The following MSI2 variants were observed in gnomAD, a reference collection of about 807,000 sequenced individuals.
MSI2 encodes the protein RNA-binding protein Musashi homolog 2.
A neutral mutation model predicts 45.6 loss-of-function variants in MSI2; 17 were observed. The observed-to-expected ratio is 0.37, with a 90% CI of 0.26 to 0.56. The LOEUF (loss-of-function observed/expected upper bound fraction) is 0.56, where lower values mean the gene tolerates loss of function less well. Ranked by LOEUF, MSI2 falls within the 20% of genes least tolerant of loss-of-function variation. The probability of loss-of-function intolerance (pLI) is 0.77; values close to 1 mark genes in which losing one functional copy is unlikely to be tolerated. For synonymous variants in MSI2, 156 were observed against 158.2 expected (o/e 0.99, Z 0.11); for missense variants, 293 against 444.2 (o/e 0.66, Z 3.06).
intron 7 of MSI2, among the ~76,000 whole-genome samples, chr17:57,541,955 A>T (rs62058101): frequency 3.3e-5 from 5 of 152,150 alleles, no homozygotes; most frequent in South Asian, 2.1e-4. Flanking sequence ...CCTCTGCACC[A>T]GATCTGCAAT....
chr17:57,381,923 T>C (rs1023427125), intron 5 of MSI2, among the ~76,000 whole-genome samples: 1 of 152,196 alleles, frequency 6.6e-6, no homozygotes, highest in Admixed American at 6.5e-5. Context: ...ATAGACTATA[T>C]ACTTGAGCAC....
intron 11 of MSI2, among the ~76,000 whole-genome samples, chr17:57,665,842 C>T (rs1912325092): frequency 6.6e-6 from 1 of 152,194 alleles, no homozygotes; most frequent in Non-Finnish European, 1.5e-5. Context: ...CTTACTTTCC[C>T]TCTGGCAGTG....
intron 5 of MSI2, among the ~76,000 whole-genome samples, chr17:57,351,391 C>T (rs1418326381): frequency 2.0e-5 from 3 of 152,152 alleles, no homozygotes; most frequent in South Asian, 4.1e-4. Flanking sequence ...ATCAACACCT[C>T]CTAGCCACCA....
chr17:57,627,618 G>A lies in MSI2; in HGVS notation c.727+315G>A. 1 of 427,274 alleles carries A rather than the reference G, an allele frequency of 2.3e-6. No homozygotes were observed. The highest frequency in any genetic ancestry group is 4.2e-6 in the Non-Finnish European group (1 of 236,184). 26.5% of individuals were successfully genotyped at this position (427,274 alleles called of 1,614,324 possible). ...CTCTTCCGGGTTTTTTCTCACTGGG[G>A]ACTGAACTCTAGGCCCAGGGCTTTC... On this transcript the variant is annotated intron_variant, in intron 10 of 13. Transcript: ENST00000284073. This position sits in a 1 kb window ranked among gnomAD's most constrained non-coding sequence, Gnocchi z 4.6.
intron 6 of MSI2, among the ~76,000 whole-genome samples, chr17:57,459,708 T>G (rs1477136720): frequency 6.6e-6 from 1 of 152,136 alleles, no homozygotes; most frequent in African/African-American, 2.4e-5. Context: ...AAGTATGGCT[T>G]GGCCGGGTGT....
chr17:57,290,804 A>G (rs917991072), intron 5 of MSI2, among the ~76,000 whole-genome samples: 1 of 152,216 alleles, frequency 6.6e-6, no homozygotes, highest in Non-Finnish European at 1.5e-5. Flanking sequence ...CCCGCATATA[A>G]CCTGGTGGCT....
chr17:57,533,061 C>T (rs923291960), intron 7 of MSI2, among the ~76,000 whole-genome samples: 1 of 152,242 alleles, frequency 6.6e-6, no homozygotes, highest in East Asian at 1.9e-4. Context: ...TCAGTCTCCA[C>T]TTGCTGTTAG....
the MSI2 span, among the ~76,000 whole-genome samples, chr17:57,691,200 C>CATCTATCTATCT: frequency 1.8e-4 from 25 of 140,312 alleles, no homozygotes; most frequent in African/African-American, 2.9e-4. Flanking sequence ...CTCTCTCTCT[C>CATCTATCTATCT]ATCTATCTAT....
At chr17:57,321,825 C>G (rs1294717306) in intron 5 of MSI2, among the ~76,000 whole-genome samples, 6 of 151,594 alleles carry the variant, frequency 4.0e-5, no homozygotes, top group African/African-American at 1.2e-4. Context: ...GAGACTGGGT[C>G]TCATTCTGTC....
chr17:57,537,365 G>C (rs144068225), intron 7 of MSI2, among the ~76,000 whole-genome samples: 4,014 of 152,310 alleles, frequency 0.026, 80 homozygotes, highest in Non-Finnish European at 0.038. Context: ...GGGCAAAGGA[G>C]GGGGTGGGAT....
rs531689398 is a variant in MSI2 at position 57,626,153 on chromosome 17, G to A, written c.653-1076G>A. On this transcript the variant is annotated intron_variant, in intron 9 of 13. Transcript: ENST00000284073. ...CACACAGGGAGAGGCTCAGGGGCTG[G>A]GCAGCCAAAAAATGACCACAGACAT... 1.5e-3 allele frequency: 230 copies of A among 152,130 alleles called. 2 individuals carry two copies. The highest frequency in any genetic ancestry group is 6.8e-3 in the Middle Eastern group (2 of 292). 9.4% of individuals were successfully genotyped at this position (152,130 alleles called of 1,614,324 possible).
At position 57,627,207 on chromosome 17, in the gene MSI2, G is replaced by C; in HGVS notation, c.653-22G>C. On this transcript the variant is annotated intron_variant, in intron 9 of 13. Coordinates refer to ENST00000284073, the MANE Select transcript of MSI2 (RefSeq NM_138962.4). The surrounding 1 kb of genome is among the most constrained non-coding windows in gnomAD (Gnocchi z 4.6). ...GAGGCGGCTGTACTAACAGGACTCT[G>C]ATCTTTCTCTTTGTGTTCAAGGATA... is the stretch of plus-strand genomic sequence containing the variant. 2 of 1,613,366 alleles carry C rather than the reference G, an allele frequency of 1.2e-6. No individual in the cohort carries two copies. The highest frequency in any genetic ancestry group is 2.2e-5 in the South Asian group (2 of 91,064).
intron 5 of MSI2, among the ~76,000 whole-genome samples, chr17:57,379,258 T>C (rs1567790187): frequency 6.6e-6 from 1 of 151,958 alleles, no homozygotes; most frequent in African/African-American, 2.4e-5. Flanking sequence ...AACTACCACC[T>C]GCCTCTACTA....
the MSI2 span, among the ~76,000 whole-genome samples, chr17:57,689,840 A>G: frequency 6.6e-6 from 1 of 152,168 alleles, no homozygotes; most frequent in Non-Finnish European, 1.5e-5. Flanking sequence ...AGATTCATCA[A>G]TGTTTTGTGT....
At chr17:57,445,657 A>G (rs572703625) in intron 6 of MSI2, among the ~76,000 whole-genome samples, 64 of 152,242 alleles carry the variant, frequency 4.2e-4, no homozygotes, top group Non-Finnish European at 7.2e-4. Context: ...CTATTAGACA[A>G]TGTTTTAGTG....
intron 4 of MSI2, chr17:57,259,854 G>A (rs542253470): frequency 1.3e-5 from 2 of 152,296 alleles, no homozygotes; most frequent in African/African-American, 4.8e-5. Context: ...TGTGGTGGCT[G>A]GTGGGTCATA....
intron 5 of MSI2, among the ~76,000 whole-genome samples, chr17:57,323,570 A>G (rs1913526158): frequency 6.6e-6 from 1 of 152,214 alleles, no homozygotes; most frequent in African/African-American, 2.4e-5. Context: ...CGTCCCTGGC[A>G]GGGCCAGGAT....
At chr17:57,394,173 T>C (rs1477358918) in intron 5 of MSI2, among the ~76,000 whole-genome samples, 1 of 152,192 alleles carries the variant, frequency 6.6e-6, no homozygotes, top group Non-Finnish European at 1.5e-5. Flanking sequence ...TATGGTGCCC[T>C]CAATCCTCCC....
At chr17:57,509,139 G>T (rs1002952776) in intron 6 of MSI2, among the ~76,000 whole-genome samples, 1 of 152,126 alleles carries the variant, frequency 6.6e-6, no homozygotes, top group African/African-American at 2.4e-5. Context: ...AAACTGCTTG[G>T]GAGACGAATT....
Sources: gnomAD v4.1 joint callset for allele counts (sites outside exome capture counted in the v4.1 genomes callset) on GRCh38, gnomAD v4.1.1 for gene constraint, Gnocchi (gnomAD v3.1) non-coding constraint, MANE v1.5 for transcripts, NCBI Gene and HGNC (gene_info 2026-07-23, HGNC 2026-07-21) for gene names.